The following ACSS2 variants were observed in gnomAD, a reference collection of about 807,000 sequenced individuals.
ACSS2 encodes acyl-CoA synthetase short chain family member 2, also known as acetyl-coenzyme A synthetase, cytoplasmic.
In ACSS2, 58 loss-of-function variants were observed where a neutral mutation model predicts 90.6. That is an observed-to-expected ratio of 0.64 (90% CI 0.52 to 0.80). The LOEUF (loss-of-function observed/expected upper bound fraction) is 0.80, where lower values mean the gene tolerates loss of function less well. Ranked by LOEUF, ACSS2 falls within the 30% of genes least tolerant of loss-of-function variation. The probability of loss-of-function intolerance (pLI) is 0.00; values close to 1 mark genes in which losing one functional copy is unlikely to be tolerated. For missense variants in ACSS2, 759 were observed against 912.0 expected (o/e 0.83, Z 2.16); for synonymous variants, 300 against 330.9 (o/e 0.91, Z 1.01).
chr20:34,924,128 G>A (rs2081265318), intron 14 of ACSS2, among the ~76,000 whole-genome samples: 1 of 152,126 alleles, frequency 6.6e-6, no homozygotes, highest in South Asian at 2.1e-4. Flanking sequence ...GGCAGTGCAT[G>A]ACTATTATGT....
At chr20:34,903,283 A>G (rs2080713769) in intron 2 of ACSS2, among the ~76,000 whole-genome samples, 1 of 151,430 alleles carries the variant, frequency 6.6e-6, no homozygotes, top group Non-Finnish European at 1.5e-5. Context: ...CAGAGGTTGC[A>G]GTAAGTCAAG....
chr20:34,895,756 A>G (rs2080445050), intron 2 of ACSS2, among the ~76,000 whole-genome samples: 1 of 152,228 alleles, frequency 6.6e-6, no homozygotes, highest in Admixed American at 6.5e-5. Context: ...CAACTCAGAC[A>G]GATCATTGTT....
chr20:34,894,858 A>G (rs1181683903), intron 2 of ACSS2, among the ~76,000 whole-genome samples: 4 of 152,186 alleles, frequency 2.6e-5, no homozygotes, highest in Non-Finnish European at 5.9e-5. Context: ...GGGGTAAACA[A>G]TCTAGTCTGA....
At chr20:34,923,284 C>A in intron 13 of ACSS2, 39 bp from the exon 14 acceptor site, 2 of 1,385,722 alleles carry the variant, frequency 1.4e-6, no homozygotes, top group Non-Finnish European at 2.1e-6. Context: ...AGTGAGACAG[C>A]ATAGCAAATG....
At chr20:34,895,913 T>C (rs2080448749) in intron 2 of ACSS2, among the ~76,000 whole-genome samples, 1 of 152,242 alleles carries the variant, frequency 6.6e-6, no homozygotes, top group Non-Finnish European at 1.5e-5. Flanking sequence ...ACCATTGTAA[T>C]GAATATTTTT....
chr20:34,925,648 G>T, intron 14 of ACSS2, 50 bp from the exon 15 acceptor site: 1 of 1,567,220 alleles, frequency 6.4e-7, no homozygotes, highest in East Asian at 2.3e-5. Context: ...ATGTGGATCA[G>T]GTATCCTACC....
At chr20:34,876,448 T>C, upstream of ACSS2, 1 of 490,580 alleles carries the variant, frequency 2.0e-6, no homozygotes, top group Non-Finnish European at 3.2e-6. Context: ...AGTATTTCTG[T>C]CCTTGCCAAC....
chr20:34,880,647 A>G (rs185332226), intron 1 of ACSS2, among the ~76,000 whole-genome samples: 60 of 152,146 alleles, frequency 3.9e-4, no homozygotes, highest in Non-Finnish European at 8.4e-4. Flanking sequence ...TTACAATGCC[A>G]TTATTGTGTA....
At chr20:34,876,921 T>C in intron 1 of ACSS2, 98 bp downstream of exon 1, 1 of 745,008 alleles carries the variant, frequency 1.3e-6, no homozygotes, top group Non-Finnish European at 1.8e-6. Flanking sequence ...GAGGGGTGGG[T>C]GAGGAGATGG....
intron 7 of ACSS2, 24 bp from the exon 8 acceptor site, chr20:34,919,411 G>A (rs369646815): frequency 1.8e-5 from 29 of 1,613,438 alleles, no homozygotes; most frequent in Admixed American, 1.7e-5. Context: ...GCTGTTCACA[G>A]TTCTTCCCTG....
chr20:34,880,419 C>G (rs1008904278), intron 1 of ACSS2, among the ~76,000 whole-genome samples: 4 of 150,088 alleles, frequency 2.7e-5, no homozygotes, highest in Non-Finnish European at 5.9e-5. Context: ...GTAGTTCCAG[C>G]TACTGGTGGG....
chr20:34,907,554 T>C (rs2080839653), intron 2 of ACSS2, among the ~76,000 whole-genome samples: 1 of 152,262 alleles, frequency 6.6e-6, no homozygotes, highest in South Asian at 2.1e-4. Flanking sequence ...TGTGCCTATG[T>C]GTGCAGATGG....
At chr20:34,878,918 T>G (rs146670137) in intron 1 of ACSS2, among the ~76,000 whole-genome samples, 4,109 of 149,598 alleles carry the variant, frequency 0.027, 110 homozygotes, top group African/African-American at 0.096. Context: ...TTTTCTTTTT[T>G]TTTTGAGACG....
At position 34,925,726 on chromosome 20, in the gene ACSS2, C is replaced by T. The variant is rs544808330; in HGVS notation, c.1686C>T (p.Tyr562=). The T allele has an allele frequency of 6.2e-7, 1 of 1,613,772 alleles. No homozygotes were observed. Among genetic ancestry groups the T allele is most frequent in the Admixed American group, 1.7e-5 (1 of 60,000 alleles). The change falls in exon 15 of 18, where the codon TAC becomes TAT. Residue 562 remains tyrosine, a synonymous_variant. Transcript: ENST00000360596. ...GCCAGCGGGACCAGGATGGCTATTA[C>T]TGGATCACTGGCAGGATTGATGACA... The part of the protein sequence containing the change: ...DGCQRDQDGY[Y]WITGRIDDML...
chr20:34,878,639 T>C (rs941445426), intron 1 of ACSS2, among the ~76,000 whole-genome samples: 3 of 152,208 alleles, frequency 2.0e-5, no homozygotes. Context: ...AGAATCCATA[T>C]CCTAATAGCA....
Position 34,913,406 on chromosome 20 carries a change from G to A in ACSS2, c.480G>A (p.Gly160=). ...TTTTACCTGCAGGCATTCAGAAGGG[G>A]GACCGAGTGGCCATCTACATGCCTA... ...NVLRKQGIQK[G]DRVAIYMPMI... is the part of the protein sequence containing the mutation. The change falls in exon 4 of 18, where the codon GGG becomes GGA. Residue 160 remains glycine (G), a synonymous_variant. Transcript: ENST00000360596. The A allele has an allele frequency of 6.2e-7, 1 of 1,614,024 alleles. No homozygotes were observed.
chr20:34,906,438 C>T (rs1450785485), intron 2 of ACSS2, among the ~76,000 whole-genome samples: 1 of 151,854 alleles, frequency 6.6e-6, no homozygotes, highest in African/African-American at 2.4e-5. Flanking sequence ...GGGGCCCCAG[C>T]CTGGTGTGTA....
chr20:34,904,905 C>CTTTTTTT, intron 2 of ACSS2, among the ~76,000 whole-genome samples: 1 of 94,608 alleles, frequency 1.1e-5, no homozygotes, highest in Non-Finnish European at 2.0e-5. Flanking sequence ...GTGTTTAAAC[C>CTTTTTTT]TTTTTTTTTT....
chr20:34,926,265 G>A lies in ACSS2; in HGVS notation c.1887G>A (p.Glu629=), dbSNP rs2081316671. The A allele has an allele frequency of 4.3e-6, 7 of 1,613,832 alleles. No individual in the cohort carries two copies. The Admixed American group carries it at 1.0e-4, about 23-fold the overall frequency. The change falls in exon 16 of 18, where the codon GAG becomes GAA. Residue 629 remains glutamate, a synonymous_variant. Coordinates refer to ENST00000360596, the MANE Select transcript of ACSS2 (RefSeq NM_018677.4). ...DGHTFSPKLT[E]ELKKQIREKI... is the part of the protein sequence containing the mutation. ...ACACCTTCAGCCCCAAGCTCACCGA[G>A]GAGCTCAAGAAGCAGAGTAAGGAGC...
Sources: allele counts gnomAD v4.1 joint callset (sites outside exome capture counted in the v4.1 genomes callset), GRCh38; gene constraint gnomAD v4.1.1; transcripts MANE v1.5; gene names NCBI Gene and HGNC (gene_info 2026-07-23, HGNC 2026-07-21).